The following MAMDC2 variants were observed in gnomAD, a reference collection of about 807,000 sequenced individuals.
The protein encoded by MAMDC2 is MAM domain-containing protein 2.
A neutral mutation model predicts 89.8 loss-of-function variants in MAMDC2; 57 were observed. That is an observed-to-expected ratio of 0.63 (90% confidence interval 0.51 to 0.79). The LOEUF (loss-of-function observed/expected upper bound fraction) is 0.79. Among genes scored for constraint, MAMDC2 ranks in the 30% least tolerant of loss-of-function variants. The probability of loss-of-function intolerance (pLI) is 0.00; values close to 1 mark genes in which losing one functional copy is unlikely to be tolerated. For missense variants in MAMDC2, 800 were observed against 820.6 expected (o/e 0.97, Z 0.31); for synonymous variants, 313 against 293.4 (o/e 1.07, Z -0.68).
chr9:70,224,453 T>C (rs1476989170), intron 12 of MAMDC2, among the ~76,000 whole-genome samples: 5 of 152,162 alleles, frequency 3.3e-5, no homozygotes, highest in Non-Finnish European at 7.3e-5. Context: ...TAACTATTAG[T>C]CTGCAGCCAA....
intron 2 of MAMDC2, among the ~76,000 whole-genome samples, chr9:70,071,389 A>G (rs1294273640): frequency 6.6e-6 from 1 of 152,164 alleles, no homozygotes; most frequent in Non-Finnish European, 1.5e-5. Flanking sequence ...TAGCTAAGGA[A>G]CCAAGCATGA....
chr9:70,107,228 G>A (rs749501777), intron 2 of MAMDC2, among the ~76,000 whole-genome samples: 1 of 152,104 alleles, frequency 6.6e-6, no homozygotes, highest in Non-Finnish European at 1.5e-5. Context: ...TGGAAGGCTC[G>A]AGTTAAGGTT....
At chr9:70,217,772 A>T (rs2033477394) in intron 11 of MAMDC2, 1 of 789,468 alleles carries the variant, frequency 1.3e-6, no homozygotes, top group East Asian at 2.6e-5. Flanking sequence ...TTTAGGAATT[A>T]AGTAGGACAG....
At chr9:70,180,003 T>G (rs2032603419) in intron 11 of MAMDC2, among the ~76,000 whole-genome samples, 2 of 151,692 alleles carry the variant, frequency 1.3e-5, no homozygotes, top group Non-Finnish European at 2.9e-5. Flanking sequence ...CCTGCATGCA[T>G]TAGATATTTG....
chr9:70,207,873 A>G (rs915797096), intron 11 of MAMDC2, among the ~76,000 whole-genome samples: 19 of 152,174 alleles, frequency 1.2e-4, no homozygotes, highest in African/African-American at 4.1e-4. Context: ...TCCCAGCACT[A>G]TTTATTAAAT....
intron 11 of MAMDC2, among the ~76,000 whole-genome samples, chr9:70,197,374 G>A (rs2032992264): frequency 6.6e-6 from 1 of 152,132 alleles, no homozygotes; most frequent in Admixed American, 6.6e-5. Flanking sequence ...GGCAAGATAA[G>A]TTGGTGGAGG....
chr9:70,126,111 C>T, intron 5 of MAMDC2, 48 bp from the exon 6 acceptor site: 3 of 1,525,392 alleles, frequency 2.0e-6, no homozygotes, highest in Non-Finnish European at 2.7e-6. Context: ...CTCTTCCCCT[C>T]CCCCACCCCC....
chr9:70,055,923 C>T (rs1827015537), intron 2 of MAMDC2, among the ~76,000 whole-genome samples: 1 of 152,126 alleles, frequency 6.6e-6, no homozygotes, highest in African/African-American at 2.4e-5. Flanking sequence ...AAGCTGGTTG[C>T]CCTTCTAGAT....
intron 2 of MAMDC2, among the ~76,000 whole-genome samples, chr9:70,066,016 C>T (rs1022052479): frequency 3.9e-5 from 6 of 152,094 alleles, no homozygotes; most frequent in Admixed American, 2.0e-4. Context: ...AAACAAAGTT[C>T]CGACTCTCCT....
chr9:70,200,527 C>T (rs891482243), intron 11 of MAMDC2, among the ~76,000 whole-genome samples: 30 of 151,778 alleles, frequency 2.0e-4, no homozygotes, highest in African/African-American at 6.8e-4. Context: ...ATTGACTTGG[C>T]GATGCGGGCT....
At chr9:70,192,098 G>A (rs1223384967) in intron 11 of MAMDC2, among the ~76,000 whole-genome samples, 1 of 152,048 alleles carries the variant, frequency 6.6e-6, no homozygotes, top group Non-Finnish European at 1.5e-5. Flanking sequence ...AGTCCCCCAA[G>A]GTGGAAAGCA....
chr9:70,200,079 G>T lies in MAMDC2; in HGVS notation c.1652-18258G>T, dbSNP rs1458301004. On this transcript the variant is annotated intron_variant, in intron 11 of 13. Transcript: ENST00000377182. ...AATTAGATCCCATTTGTCAATTTTG[G>T]CTTTTGTTGCCATTGCTTTTGGTGT... Among the ~76,000 whole-genome samples, 4 of 150,648 alleles carry T rather than the reference G, an allele frequency of 2.7e-5. No homozygotes were observed. The East Asian group carries it at 5.9e-4, about 22-fold the overall frequency.
At chr9:70,112,506 G>A (rs1431833668) in intron 4 of MAMDC2, among the ~76,000 whole-genome samples, 1 of 152,136 alleles carries the variant, frequency 6.6e-6, no homozygotes, top group Non-Finnish European at 1.5e-5. Flanking sequence ...AAGGAATGGA[G>A]GACTGGGCCA....
intron 11 of MAMDC2, among the ~76,000 whole-genome samples, chr9:70,181,549 C>CTTTT (rs1443540904): frequency 6.6e-6 from 1 of 151,878 alleles, no homozygotes; most frequent in Non-Finnish European, 1.5e-5. Context: ...GTTTGTAGTT[C>CTTTT]TTTTTGAAGA....
At chr9:70,051,874 T>C (rs1449970198) in intron 2 of MAMDC2, among the ~76,000 whole-genome samples, 1 of 138,284 alleles carries the variant, frequency 7.2e-6, no homozygotes, top group Non-Finnish European at 1.6e-5. Context: ...TCTATTTACC[T>C]ATCTAGATAG....
intron 11 of MAMDC2, among the ~76,000 whole-genome samples, chr9:70,215,263 G>GC (rs2033422743): frequency 1.7e-5 from 1 of 58,918 alleles, no homozygotes; most frequent in Non-Finnish European, 3.8e-5. Flanking sequence ...TATGTCCAAT[G>GC]TTACAAAAAT....
chr9:70,089,044 T>C (rs1318576770), intron 2 of MAMDC2: 1 of 152,130 alleles, frequency 6.6e-6, no homozygotes, highest in East Asian at 1.9e-4. Context: ...ATTTTACGCC[T>C]GAGAAACTAA....
chr9:70,051,649 G>A (rs540818611), intron 2 of MAMDC2, among the ~76,000 whole-genome samples: 1 of 152,264 alleles, frequency 6.6e-6, no homozygotes, highest in Admixed American at 6.5e-5. Flanking sequence ...TATGTTAGTA[G>A]AGGTGATGGG....
At chr9:70,200,851 T>C (rs1283983919) in intron 11 of MAMDC2, among the ~76,000 whole-genome samples, 1 of 148,432 alleles carries the variant, frequency 6.7e-6, no homozygotes, top group Non-Finnish European at 1.5e-5. Context: ...TGGGTCTCTG[T>C]TTGTCTGTTG....
Sources: gnomAD v4.1 joint callset for allele counts (sites outside exome capture counted in the v4.1 genomes callset) on GRCh38, gnomAD v4.1.1 for gene constraint, MANE v1.5 for transcripts, NCBI Gene and HGNC (gene_info 2026-07-23, HGNC 2026-07-21) for gene names.